Variants in ARHGAP44 observed in about 807,000 individuals in gnomAD.
ARHGAP44 encodes rho GTPase-activating protein 44.
In ARHGAP44, 43 loss-of-function variants were observed where a neutral mutation model predicts 106.8. That is an observed-to-expected ratio of 0.40 (90% CI 0.32 to 0.52). ARHGAP44 has a LOEUF of 0.52. Among genes scored for constraint, ARHGAP44 ranks in the 20% least tolerant of loss-of-function variants. ARHGAP44 has a pLI of 0.48. For missense variants in ARHGAP44, 866 were observed against 1,050.5 expected (o/e 0.82, Z 2.43); for synonymous variants, 439 against 410.3 (o/e 1.07, Z -0.85).
chr17:12,970,383 AAAAAAG>A (rs1567715963), intron 16 of ARHGAP44, among the ~76,000 whole-genome samples: 2 of 140,320 alleles, frequency 1.4e-5, no homozygotes, highest in East Asian at 2.0e-4. Flanking sequence ...AAAAAAAAAA[AAAAAAG>A]AAAAAGAAGA....
At chr17:12,986,333 G>A (rs1292662917) in intron 20 of ARHGAP44, 3 of 152,314 alleles carry the variant, frequency 2.0e-5, no homozygotes, top group East Asian at 3.9e-4. Flanking sequence ...CTCGGGGAAG[G>A]TCACAGCTGC....
At chr17:12,960,783 C>T (rs189056488) in intron 16 of ARHGAP44, among the ~76,000 whole-genome samples, 5 of 152,056 alleles carry the variant, frequency 3.3e-5, no homozygotes, top group Admixed American at 6.5e-5. Context: ...AGGCTGGTCT[C>T]GAACTCCTGA....
At chr17:12,854,184 G>A (rs932709674) in intron 1 of ARHGAP44, among the ~76,000 whole-genome samples, 1 of 152,162 alleles carries the variant, frequency 6.6e-6, no homozygotes, top group Non-Finnish European at 1.5e-5. Context: ...ACAGGAGGGT[G>A]CAGGAAGAAA....
At chr17:12,897,710 CTTTT>C (rs71980749) in intron 3 of ARHGAP44, among the ~76,000 whole-genome samples, 9 of 108,940 alleles carry the variant, frequency 8.3e-5, no homozygotes, top group African/African-American at 1.1e-4. Context: ...TGATCTGTGT[CTTTT>C]TTTTTTTTTT....
At chr17:12,896,310 C>T in intron 2 of ARHGAP44, 97 bp from the exon 3 acceptor site, 1 of 997,832 alleles carries the variant, frequency 1.0e-6, no homozygotes, top group South Asian at 1.5e-5. Context: ...GAGTCCTTGT[C>T]TCCATGGAAA....
At chr17:12,972,665 A>AT (rs11348468) in intron 16 of ARHGAP44, among the ~76,000 whole-genome samples, 22 of 147,136 alleles carry the variant, frequency 1.5e-4, no homozygotes, top group South Asian at 4.3e-4. Context: ...ATAAATAAAT[A>AT]TTTTTTTTTT....
intron 1 of ARHGAP44, among the ~76,000 whole-genome samples, chr17:12,811,823 T>C (rs1196061841): frequency 6.6e-6 from 1 of 152,218 alleles, no homozygotes; most frequent in African/African-American, 2.4e-5. Context: ...TCTGCCCCTG[T>C]CATCATGCGT....
chr17:12,939,848 C>T lies in ARHGAP44; in HGVS notation c.583-1208C>T, dbSNP rs2038657510. 2.0e-5 allele frequency among the ~76,000 whole-genome samples: 3 copies of T among 152,210 alleles called. 1 individual carries two copies. In the South Asian group the frequency reaches 6.2e-4, roughly 31 times the overall value. ...CATTGTCTAATCTGTACTTCAAGCTCTCTGGAGAACACACTTCCTCTTTTC... is the reference window on the plus strand; with the variant it reads ...CATTGTCTAATCTGTACTTCAAGCTTTCTGGAGAACACACTTCCTCTTTTC... On this transcript the variant is annotated intron_variant, in intron 7 of 20. Coordinates refer to ENST00000379672, the MANE Select transcript of ARHGAP44 (RefSeq NM_014859.6).
At chr17:12,969,093 C>T (rs2039464241) in intron 16 of ARHGAP44, among the ~76,000 whole-genome samples, 1 of 152,092 alleles carries the variant, frequency 6.6e-6, no homozygotes, top group South Asian at 2.1e-4. Flanking sequence ...TATCAGAGAA[C>T]TCACCCCAAA....
At chr17:12,825,772 T>A (rs2034902377) in intron 1 of ARHGAP44, among the ~76,000 whole-genome samples, 1 of 152,198 alleles carries the variant, frequency 6.6e-6, no homozygotes, top group Non-Finnish European at 1.5e-5. Context: ...GCTAGCCAAG[T>A]TGACACAAAA....
intron 1 of ARHGAP44, among the ~76,000 whole-genome samples, chr17:12,858,426 A>T (rs2035973673): frequency 6.6e-6 from 1 of 152,190 alleles, no homozygotes; most frequent in African/African-American, 2.4e-5. Context: ...GTGTGCAAGG[A>T]TTCTTTTGTA....
chr17:12,946,089 C>T (rs1026625811), intron 10 of ARHGAP44, among the ~76,000 whole-genome samples: 2 of 152,182 alleles, frequency 1.3e-5, no homozygotes, highest in African/African-American at 4.8e-5. Context: ...TCTCTACCAT[C>T]CCTGAGAGAG....
intron 5 of ARHGAP44, among the ~76,000 whole-genome samples, chr17:12,916,331 C>T (rs1394248396): frequency 6.6e-6 from 1 of 152,132 alleles, no homozygotes; most frequent in Non-Finnish European, 1.5e-5. Context: ...GTCTTCAGTG[C>T]TGTGAACAGC....
intron 3 of ARHGAP44, among the ~76,000 whole-genome samples, chr17:12,907,722 T>C (rs888763764): frequency 1.3e-5 from 2 of 152,252 alleles, no homozygotes; most frequent in African/African-American, 4.8e-5. Context: ...TATTCATTGG[T>C]GGACATTTGA....
Position 12,984,885 on chromosome 17 carries a change from C to A in ARHGAP44, c.2294C>A (p.Ser765Tyr). ...GAGGCCCCCATGCTAGATGGCATGT[C>A]CCCTGGGGAAAGCATGTCTACAGGT... ...STEAPMLDGM[S>Y]PGESMSTDLV... is the part of the protein sequence containing the mutation. Residue 765 changes from serine (S) to tyrosine (Y), a missense_variant, in exon 20 of 21, where the codon TCC becomes TAC. By Grantham distance (144) the Ser-to-Tyr change is moderately radical. This residue lies in a region of ARHGAP44 where 418 missense variants were observed against 403.6 expected (regional missense o/e 1.04). Coordinates refer to ENST00000379672, the MANE Select transcript of ARHGAP44 (RefSeq NM_014859.6). The A allele has an allele frequency of 1.2e-6, 2 of 1,611,086 alleles. No individual in the cohort carries two copies. Among genetic ancestry groups the A allele is most frequent in the Non-Finnish European group, 1.7e-6 (2 of 1,177,724 alleles).
At position 12,934,791 on chromosome 17, in the gene ARHGAP44, A is replaced by G. The variant is rs565587236; in HGVS notation, c.582+5745A>G. ...GAGTGAACCCCTAAGTAGACTATGAACTATGGAAGACAATGATGCACCAAT... is the reference window on the plus strand; with the variant it reads ...GAGTGAACCCCTAAGTAGACTATGAGCTATGGAAGACAATGATGCACCAAT... On this transcript the variant is annotated intron_variant, in intron 7 of 20. Transcript: ENST00000379672. Among the ~76,000 whole-genome samples, 4 of 152,342 alleles carry G rather than the reference A, an allele frequency of 2.6e-5. No individual in the cohort carries two copies. The East Asian group carries it at 5.8e-4, about 22-fold the overall frequency.
chr17:12,894,699 A>T, intron 1 of ARHGAP44, among the ~76,000 whole-genome samples: 1 of 138,284 alleles, frequency 7.2e-6, no homozygotes, highest in Admixed American at 7.7e-5. Context: ...ATTTGTTGTC[A>T]TGAATCCAGG....
At chr17:12,824,926 C>G (rs922133552) in intron 1 of ARHGAP44, among the ~76,000 whole-genome samples, 7 of 152,002 alleles carry the variant, frequency 4.6e-5, no homozygotes, top group African/African-American at 1.7e-4. Context: ...TAGTGCTTGA[C>G]TACCCCAGTT....
chr17:12,810,292 G>A (rs557304616), intron 1 of ARHGAP44, among the ~76,000 whole-genome samples: 1 of 152,292 alleles, frequency 6.6e-6, no homozygotes, highest in South Asian at 2.1e-4. Context: ...TGAAATCAAG[G>A]TGTCACCAAG....
Sources: gnomAD v4.1 joint callset for allele counts (sites outside exome capture counted in the v4.1 genomes callset) on GRCh38, gnomAD v4.1.1 for gene constraint, gnomAD v4.1.1 regional missense constraint, MANE v1.5 for transcripts, NCBI Gene and HGNC (gene_info 2026-07-23, HGNC 2026-07-21) for gene names.